Variants in GLUD1 observed in about 807,000 individuals in gnomAD.
GLUD1 encodes glutamate dehydrogenase 1, mitochondrial.
In GLUD1, 22 loss-of-function variants were observed where a neutral mutation model predicts 56.0. That is an observed-to-expected ratio of 0.39 (90% CI 0.28 to 0.56). The LOEUF is 0.56. Among genes scored for constraint, GLUD1 ranks in the 20% least tolerant of loss-of-function variants. The probability of loss-of-function intolerance (pLI) is 0.58; values close to 1 mark genes in which losing one functional copy is unlikely to be tolerated. For synonymous variants in GLUD1, 223 were observed against 269.9 expected, an observed-to-expected ratio of 0.83 and a Z score of 1.70; for missense variants, 451 against 732.0, an observed-to-expected ratio of 0.62 and a Z score of 4.43.
intron 5 of GLUD1, among the ~76,000 whole-genome samples, chr10:87,066,540 C>G (rs1207712456): frequency 6.6e-6 from 1 of 152,212 alleles, no homozygotes; most frequent in Non-Finnish European, 1.5e-5. Flanking sequence ...TCAGAACCTT[C>G]CCTCAGGTAA....
At position 87,094,717 on chromosome 10, in the gene GLUD1, G is replaced by C; in HGVS notation, c.53C>G (p.Ala18Gly). Residue 18 changes from alanine (A) to glycine (G), a missense_variant, in exon 1 of 13, where the codon GCC (alanine) becomes GGC (glycine). Ala to Gly is a moderately conservative substitution (Grantham distance 60). Coordinates refer to ENST00000277865, the MANE Select transcript of GLUD1 (RefSeq NM_005271.5). This position sits in a 1 kb window ranked among gnomAD's most constrained non-coding sequence, Gnocchi z 6.6. ...ALLLSRAGPAALGSASADSAA... is the reference protein window; with the variant it reads ...ALLLSRAGPAGLGSASADSAA... ...CGAGTCGGCGGACGCCGAGCCCAGGGCAGCGGGCCCGGCCCGGGACAGCAA... is the reference window on the plus strand; with the variant it reads ...CGAGTCGGCGGACGCCGAGCCCAGGCCAGCGGGCCCGGCCCGGGACAGCAA... The C allele has an allele frequency of 6.6e-7, 1 of 1,510,596 alleles. No homozygotes were observed. 93.6% of individuals were successfully genotyped at this position (1,510,596 alleles called of 1,614,324 possible).
intron 1 of GLUD1, among the ~76,000 whole-genome samples, chr10:87,081,174 C>T (rs1408434076): frequency 1.5e-5 from 2 of 137,044 alleles, no homozygotes; most frequent in African/African-American, 2.8e-5. Flanking sequence ...CCCGGCCAGC[C>T]GCCCCGTCCA....
At chr10:87,054,958 G>C (rs1845727853) in intron 11 of GLUD1, among the ~76,000 whole-genome samples, 1 of 152,230 alleles carries the variant, frequency 6.6e-6, no homozygotes, top group Admixed American at 6.5e-5. Context: ...AAGCTCCCAG[G>C]CTGCATCAGT....
chr10:87,081,543 T>C (rs1176854652), intron 1 of GLUD1, among the ~76,000 whole-genome samples: 6 of 152,088 alleles, frequency 3.9e-5, no homozygotes, highest in Non-Finnish European at 8.8e-5. Context: ...AATCGGATGG[T>C]TGCCGTGTCT....
chr10:87,055,074 G>A (rs962821479), intron 11 of GLUD1, among the ~76,000 whole-genome samples: 1 of 152,186 alleles, frequency 6.6e-6, no homozygotes, highest in Non-Finnish European at 1.5e-5. Flanking sequence ...AATGAAACAC[G>A]GAAAAGCAGT....
At chr10:87,076,223 G>T (rs1846389893) in intron 2 of GLUD1, among the ~76,000 whole-genome samples, 200 bp from the exon 3 acceptor site, 1 of 152,090 alleles carries the variant, frequency 6.6e-6, no homozygotes, top group Non-Finnish European at 1.5e-5. Context: ...AAATTGGCTA[G>T]CCAAGTTCTA....
chr10:87,055,988 C>T lies in GLUD1; in HGVS notation c.1494+1703G>A, dbSNP rs543932147. Among the ~76,000 whole-genome samples, 1,164 of 151,168 alleles carry T rather than the reference C, an allele frequency of 7.7e-3. 16 individuals are homozygous for T. The highest frequency in any genetic ancestry group is 0.027 in the African/African-American group (1,117 of 41,220). Reference sequence around the variant, plus strand: ...AAAATTAGCTGGGTGTGGTGGCGGGCGCCTGTAATCCCAGCTACTCAGGAG... The same window carrying T: ...AAAATTAGCTGGGTGTGGTGGCGGGTGCCTGTAATCCCAGCTACTCAGGAG... On this transcript the variant is annotated intron_variant, in intron 11 of 12. Coordinates refer to ENST00000277865, the MANE Select transcript of GLUD1 (RefSeq NM_005271.5).
Position 87,051,652 on chromosome 10 carries a change from T to C in GLUD1, c.*99A>G, listed in dbSNP as rs540517916. 1 of 1,301,334 alleles carries C rather than the reference T, an allele frequency of 7.7e-7. No individual in the cohort carries two copies. Among genetic ancestry groups the C allele is most frequent in the African/African-American group, 1.4e-5 (1 of 68,976 alleles). 80.6% of individuals were successfully genotyped at this position (1,301,334 alleles called of 1,614,324 possible). ...GAGAATGGTATCCATTATTAATGAG[T>C]CAGGAGAGAAAGGGATTTCTGTGGT... is the stretch of plus-strand genomic sequence containing the variant. On this transcript the variant is annotated 3_prime_UTR_variant, in exon 13 of 13. Transcript: ENST00000277865.
At chr10:87,076,054 A>G (rs1325913659) in intron 2 of GLUD1, 31 bp from the exon 3 acceptor site, 4 of 1,521,666 alleles carry the variant, frequency 2.6e-6, no homozygotes, top group Non-Finnish European at 3.6e-6. Context: ...TTGCTATTCC[A>G]TATAAATGTT....
At chr10:87,053,448 T>C (rs1205289386) in intron 11 of GLUD1, 44 bp from the exon 12 acceptor site, 5 of 1,174,414 alleles carry the variant, frequency 4.3e-6, no homozygotes, top group African/African-American at 3.0e-5. Flanking sequence ...CACAAAGACC[T>C]GCTTTGTGTC....
At chr10:87,062,522 A>T in intron 6 of GLUD1, 134 bp downstream of exon 6, 1 of 747,566 alleles carries the variant, frequency 1.3e-6, no homozygotes, top group Non-Finnish European at 2.3e-6. Flanking sequence ...AATATCTATT[A>T]CTCTGAAAAC....
At chr10:87,058,852 C>G (rs1055579618) in intron 10 of GLUD1, among the ~76,000 whole-genome samples, 35 of 152,232 alleles carry the variant, frequency 2.3e-4, no homozygotes, top group African/African-American at 7.9e-4. Flanking sequence ...GTTCGTGCCA[C>G]TGCACTCCAG....
intron 12 of GLUD1, among the ~76,000 whole-genome samples, chr10:87,052,336 A>C (rs1173472367): frequency 1.3e-5 from 2 of 151,952 alleles, no homozygotes; most frequent in African/African-American, 4.8e-5. Flanking sequence ...AAAATACAAA[A>C]AATTAACCGG....
At chr10:87,093,798 G>T in intron 1 of GLUD1, 1 of 613,314 alleles carries the variant, frequency 1.6e-6, no homozygotes, top group Non-Finnish European at 2.6e-6. Context: ...AATTCCTTTG[G>T]TTAATAAAAC....
chr10:87,094,290 C>T lies in GLUD1; in HGVS notation c.445+35G>A, dbSNP rs749215292. On this transcript the variant is annotated intron_variant, in intron 1 of 12. Transcript: ENST00000277865. This position sits in a 1 kb window ranked among gnomAD's most constrained non-coding sequence, Gnocchi z 6.6. Reference sequence around the variant, plus strand: ...CCGGAGGGGAGGGCCGCAGGGGAGGCAGGGAGGGCGGGACGGGGCCCGGCC... The same window carrying T: ...CCGGAGGGGAGGGCCGCAGGGGAGGTAGGGAGGGCGGGACGGGGCCCGGCC... 6.4e-7 allele frequency: 1 copy of T among 1,568,024 alleles called. No homozygotes were observed. Among genetic ancestry groups the T allele is most frequent in the African/African-American group, 1.4e-5 (1 of 73,872 alleles).
chr10:87,076,666 T>C lies in GLUD1; in HGVS notation c.446-10A>G. ...GTGCTGTAACGGATACCTGGTGGTG[T>C]TTTTAAAAAAATGTGTTGGGGTGGG... On this transcript the variant is annotated splice_polypyrimidine_tract_variant and intron_variant, in intron 1 of 12. Transcript: ENST00000277865. 5.8e-6 allele frequency: 9 copies of C among 1,564,374 alleles called. No individual in the cohort carries two copies. Among genetic ancestry groups the C allele is most frequent in the Non-Finnish European group, 7.1e-6 (8 of 1,134,624 alleles).
At chr10:87,053,548 T>A (rs1845693412) in intron 11 of GLUD1, 144 bp from the exon 12 acceptor site, 11 of 696,026 alleles carry the variant, frequency 1.6e-5, no homozygotes, top group Non-Finnish European at 2.7e-5. Flanking sequence ...TTCTGCACAG[T>A]ATCAAAGATA....
At chr10:87,079,352 C>T (rs1209483488) in intron 1 of GLUD1, among the ~76,000 whole-genome samples, 5 of 151,008 alleles carry the variant, frequency 3.3e-5, no homozygotes, top group Non-Finnish European at 7.4e-5. Flanking sequence ...GCAGGAGAGT[C>T]ACTTGAGCCC....
intron 1 of GLUD1, among the ~76,000 whole-genome samples, chr10:87,082,014 C>T (rs536623082): frequency 6.6e-6 from 1 of 150,756 alleles, no homozygotes; most frequent in African/African-American, 2.4e-5. Flanking sequence ...TCACTTTTTC[C>T]ATTGCTCTTT....
Sources: allele counts gnomAD v4.1 joint callset (sites outside exome capture counted in the v4.1 genomes callset), GRCh38; gene constraint gnomAD v4.1.1; non-coding constraint Gnocchi (gnomAD v3.1); transcripts MANE v1.5; gene names NCBI Gene and HGNC (gene_info 2026-07-23, HGNC 2026-07-21).